Variants in SEMA3A observed in about 807,000 individuals in gnomAD.
SEMA3A encodes semaphorin-3A.
Under a neutral mutation model 97.9 loss-of-function variants are expected in SEMA3A, and 29 were observed. The ratio of observed to expected loss-of-function variants is 0.30; its 90% CI spans 0.22 to 0.40. The LOEUF (loss-of-function observed/expected upper bound fraction) is 0.40. SEMA3A is among the 10% of genes least tolerant of loss of function. The pLI, the probability that SEMA3A is intolerant of heterozygous loss-of-function variation, is 1.00. For missense variants in SEMA3A, 763 were observed against 951.3 expected (o/e 0.80, Z 2.60); for synonymous variants, 321 against 323.7 (o/e 0.99, Z 0.09).
intron 14 of SEMA3A, among the ~76,000 whole-genome samples, chr7:83,980,617 A>ACAAAC (rs1378367917): frequency 7.2e-5 from 6 of 83,630 alleles, no homozygotes; most frequent in African/African-American, 3.1e-4. Context: ...AAAAAAAAAA[A>ACAAAC]AAAAAAATAT....
chr7:84,254,550 T>C (rs1324302329), intron 3 of SEMA3A, among the ~76,000 whole-genome samples: 1 of 152,192 alleles, frequency 6.6e-6, no homozygotes, highest in South Asian at 2.1e-4. Flanking sequence ...CAATGACGCA[T>C]AATATTCCAA....
chr7:84,052,818 T>C (rs1792745019), intron 5 of SEMA3A, among the ~76,000 whole-genome samples: 1 of 151,090 alleles, frequency 6.6e-6, no homozygotes, highest in Non-Finnish European at 1.5e-5. Context: ...GTGTCAATTT[T>C]GGATCTTTCC....
At chr7:84,109,388 C>T (rs1184094891) in intron 4 of SEMA3A, among the ~76,000 whole-genome samples, 2 of 152,140 alleles carry the variant, frequency 1.3e-5, no homozygotes, top group Non-Finnish European at 2.9e-5. Context: ...GAGCCACTGG[C>T]AACTGGTGAG....
chr7:84,121,092 G>T (rs1482933048), intron 3 of SEMA3A, among the ~76,000 whole-genome samples: 3 of 96,606 alleles, frequency 3.1e-5, no homozygotes, highest in African/African-American at 1.2e-4. Flanking sequence ...GCGCATATCT[G>T]CCCTTTGCTC....
At chr7:84,421,581 C>A (rs1804593715) in intron 1 of SEMA3A, among the ~76,000 whole-genome samples, 1 of 151,976 alleles carries the variant, frequency 6.6e-6, no homozygotes, top group South Asian at 2.1e-4. Context: ...GAGAGGGCAT[C>A]GTTGTCTTGT....
intron 3 of SEMA3A, among the ~76,000 whole-genome samples, chr7:84,270,660 C>G (rs1196088694): frequency 6.8e-6 from 1 of 146,726 alleles, no homozygotes. Context: ...ATATTCTATT[C>G]ATATATATAT....
chr7:84,453,340 C>T (rs572717692), intron 1 of SEMA3A, among the ~76,000 whole-genome samples: 255 of 151,478 alleles, frequency 1.7e-3, no homozygotes, highest in African/African-American at 5.9e-3. Context: ...GGGTTCACGC[C>T]ATTCTCCTGC....
At chr7:84,276,816 C>G (rs1800306701) in intron 3 of SEMA3A, among the ~76,000 whole-genome samples, 1 of 152,098 alleles carries the variant, frequency 6.6e-6, no homozygotes, top group South Asian at 2.1e-4. Flanking sequence ...TTTTTAATTC[C>G]TGCTACATGT....
chr7:84,313,409 C>G (rs375637421), intron 2 of SEMA3A, among the ~76,000 whole-genome samples: 2,099 of 102,320 alleles, frequency 0.021, 55 homozygotes, highest in South Asian at 0.03. Flanking sequence ...TATATATAAA[C>G]TATACGTGAC....
chr7:84,377,753 T>C (rs151228003), intron 1 of SEMA3A, among the ~76,000 whole-genome samples: 2 of 152,174 alleles, frequency 1.3e-5, no homozygotes, highest in Non-Finnish European at 2.9e-5. Context: ...CTGCTACCCA[T>C]CATCAGAGAA....
intron 3 of SEMA3A, among the ~76,000 whole-genome samples, chr7:84,256,871 G>A (rs1400330973): frequency 6.6e-6 from 1 of 152,058 alleles, no homozygotes; most frequent in Non-Finnish European, 1.5e-5. Flanking sequence ...CTTGCAGTTT[G>A]ACTATCTGAT....
chr7:84,312,921 T>TATACACACAC (rs1458168481), intron 2 of SEMA3A, among the ~76,000 whole-genome samples: 3 of 32,888 alleles, frequency 9.1e-5, no homozygotes, highest in Non-Finnish European at 1.8e-4. Context: ...TATATATATA[T>TATACACACAC]ACACACACAC....
chr7:84,349,456 A>G (rs1802382967), intron 2 of SEMA3A, among the ~76,000 whole-genome samples: 1 of 152,142 alleles, frequency 6.6e-6, no homozygotes, highest in South Asian at 2.1e-4. Context: ...TTTTCAGAAA[A>G]CTCAAATAAA....
At chr7:84,179,495 A>G (rs1360216846) in intron 1 of SEMA3A, among the ~76,000 whole-genome samples, 1 of 152,156 alleles carries the variant, frequency 6.6e-6, no homozygotes, top group Non-Finnish European at 1.5e-5. Context: ...TATTTTCCTC[A>G]TACTCAATAG....
intron 1 of SEMA3A, among the ~76,000 whole-genome samples, chr7:84,427,701 T>C (rs887480163): frequency 5.0e-5 from 7 of 140,178 alleles, no homozygotes; most frequent in Non-Finnish European, 9.5e-5. Flanking sequence ...AATTAATAGT[T>C]TTTTTATGTA....
At chr7:84,016,533 G>C (rs1305204498) in intron 6 of SEMA3A, among the ~76,000 whole-genome samples, 1 of 133,822 alleles carries the variant, frequency 7.5e-6, no homozygotes, top group Non-Finnish European at 1.6e-5. Context: ...GCGAGACTCT[G>C]TCTCAAAAAA....
At chr7:84,138,390 G>C in intron 1 of SEMA3A, among the ~76,000 whole-genome samples, 1 of 151,866 alleles carries the variant, frequency 6.6e-6, no homozygotes, top group Admixed American at 6.6e-5. Flanking sequence ...TCCAGTTTAT[G>C]TATTCTCAAT....
At chr7:84,281,899 G>A (rs1584197954) in intron 3 of SEMA3A, among the ~76,000 whole-genome samples, 1 of 152,146 alleles carries the variant, frequency 6.6e-6, no homozygotes, top group African/African-American at 2.4e-5. Context: ...TTACTAAAGT[G>A]TGTTTTGATA....
chr7:84,081,594 T>TA lies in SEMA3A; in HGVS notation c.454-21037dup, dbSNP rs5885397. ...GGCGACAGAGCGAGACTCCGTCTCT[T>TA]AAAAAAAAAAAAAAAAAAAAAAGAT... is the stretch of plus-strand genomic sequence containing the variant. On this transcript the variant is annotated intron_variant, in intron 4 of 16. Coordinates refer to ENST00000265362, the MANE Select transcript of SEMA3A (RefSeq NM_006080.3). Among the ~76,000 whole-genome samples, 549 of 113,930 alleles carry TA rather than the reference T, an allele frequency of 4.8e-3. 5 individuals are homozygous for TA. Among genetic ancestry groups the TA allele is most frequent in the African/African-American group, 0.013 (404 of 30,306 alleles). 74.7% of individuals were successfully genotyped at this position (113,930 alleles called of 152,430 possible).
Sources: allele counts gnomAD v4.1 joint callset (sites outside exome capture counted in the v4.1 genomes callset), GRCh38; gene constraint gnomAD v4.1.1; transcripts MANE v1.5; gene names NCBI Gene and HGNC (gene_info 2026-07-23, HGNC 2026-07-21).